The following EPC2 variants were observed in gnomAD, a reference collection of about 807,000 sequenced individuals.
EPC2 encodes the protein enhancer of polycomb homolog 2.
In EPC2, 14 loss-of-function variants were observed where a neutral mutation model predicts 92.1. The ratio of observed to expected loss-of-function variants is 0.15; its 90% CI spans 0.10 to 0.24. EPC2 has a LOEUF of 0.24. Among genes scored for constraint, EPC2 ranks in the 10% least tolerant of loss-of-function variants. EPC2 has a pLI of 1.00. For synonymous variants in EPC2, 340 were observed against 334.7 expected (o/e 1.02, Z -0.17); for missense variants, 755 against 971.5 (o/e 0.78, Z 2.96).
intron 1 of EPC2, among the ~76,000 whole-genome samples, chr2:148,683,792 G>A (rs1482255232): frequency 2.0e-5 from 3 of 152,156 alleles, no homozygotes; most frequent in Non-Finnish European, 4.4e-5. Context: ...ATTTAGGCTG[G>A]TTTCATATTT....
At chr2:148,754,241 T>A in intron 4 of EPC2, 108 bp downstream of exon 4, 1 of 874,528 alleles carries the variant, frequency 1.1e-6, no homozygotes. Flanking sequence ...CTAATGGCAT[T>A]GATGACTTTC....
intron 7 of EPC2, among the ~76,000 whole-genome samples, chr2:148,767,197 C>T (rs1484427692): frequency 1.6e-5 from 2 of 124,316 alleles, no homozygotes; most frequent in Non-Finnish European, 1.7e-5. Context: ...GACCCTGTTT[C>T]AAAAAAAAAA....
In EPC2 at chr2:148,663,194, G is replaced by GTATTATTATTATTAT. The variant is rs56337513; in HGVS notation, c.153+18056_153+18070dup. Among the ~76,000 whole-genome samples the GTATTATTATTATTAT allele has an allele frequency of 1.5e-3, 205 of 136,342 alleles. 1 individual carries two copies. Among genetic ancestry groups the GTATTATTATTATTAT allele is most frequent in the Middle Eastern group, 3.7e-3 (1 of 272 alleles). The allele number at this position is 136,342 out of a possible 152,430, so 89.4% of individuals were successfully genotyped here. ...CTCAAAAGGTATCTACTGTGTTTTT[G>GTATTATTATTATTAT]TATTATTATTATTATTATTATTATT... is the stretch of plus-strand genomic sequence containing the variant. On this transcript the variant is annotated intron_variant, in intron 1 of 13. Coordinates refer to ENST00000258484, the MANE Select transcript of EPC2 (RefSeq NM_015630.4).
At chr2:148,658,607 G>A (rs200459050) in intron 1 of EPC2, among the ~76,000 whole-genome samples, 1,880 of 141,216 alleles carry the variant, frequency 0.013, 19 homozygotes, top group East Asian at 0.026. Context: ...GTGTGTGTGT[G>A]TATATATATA....
At chr2:148,690,103 A>T in intron 1 of EPC2, 111 bp from the exon 2 acceptor site, 1 of 1,054,206 alleles carries the variant, frequency 9.5e-7, no homozygotes, top group Non-Finnish European at 1.3e-6. Flanking sequence ...AACTATTTAT[A>T]ATTGATTCTT....
Position 148,664,958 on chromosome 2 carries a change from C to T in EPC2, c.153+19788C>T, listed in dbSNP as rs566418807. Among the ~76,000 whole-genome samples the T allele has an allele frequency of 3.3e-5, 5 of 152,290 alleles. No individual in the cohort carries two copies. The South Asian group carries it at 1.0e-3, about 32-fold the overall frequency. Reference sequence around the variant, plus strand: ...ATACCTGAAGGTGAAATGCCTTCATCATATAGTAGTTACATTTAAAAGGTT... The same window carrying T: ...ATACCTGAAGGTGAAATGCCTTCATTATATAGTAGTTACATTTAAAAGGTT... On this transcript the variant is annotated intron_variant, in intron 1 of 13. Coordinates refer to ENST00000258484, the MANE Select transcript of EPC2 (RefSeq NM_015630.4).
At chr2:148,683,311 A>T (rs563475575) in intron 1 of EPC2, among the ~76,000 whole-genome samples, 45 of 150,878 alleles carry the variant, frequency 3.0e-4, no homozygotes, top group Non-Finnish European at 5.5e-4. Flanking sequence ...TGTGTTGCCC[A>T]GGCTGGAGTG....
chr2:148,783,102 A>T (rs1683787293), intron 11 of EPC2, among the ~76,000 whole-genome samples: 1 of 152,218 alleles, frequency 6.6e-6, no homozygotes, highest in Non-Finnish European at 1.5e-5. Context: ...GGACTTAGTA[A>T]CTAGGACTTA....
chr2:148,698,411 G>A (rs1681796641), intron 2 of EPC2, among the ~76,000 whole-genome samples: 2 of 152,000 alleles, frequency 1.3e-5, no homozygotes, highest in Admixed American at 1.3e-4. Context: ...GCTGAGGCGG[G>A]TGGATCACGA....
At chr2:148,780,662 G>A (rs1387646560) in intron 10 of EPC2, among the ~76,000 whole-genome samples, 1 of 152,070 alleles carries the variant, frequency 6.6e-6, no homozygotes, top group Non-Finnish European at 1.5e-5. Flanking sequence ...GACTCTTAGT[G>A]CAGCATTCTG....
At chr2:148,656,878 C>A (rs1295169535) in intron 1 of EPC2, among the ~76,000 whole-genome samples, 1 of 152,168 alleles carries the variant, frequency 6.6e-6, no homozygotes, top group Non-Finnish European at 1.5e-5. Flanking sequence ...TCATGAAGGA[C>A]ATGATTTGAA....
chr2:148,739,688 G>A (rs1682836576), intron 2 of EPC2, among the ~76,000 whole-genome samples: 1 of 152,044 alleles, frequency 6.6e-6, no homozygotes, highest in South Asian at 2.1e-4. Context: ...AAATTTTCCT[G>A]AGCAGTGGTA....
chr2:148,780,738 G>A (rs961709568), intron 10 of EPC2, among the ~76,000 whole-genome samples: 1 of 152,116 alleles, frequency 6.6e-6, no homozygotes, highest in Non-Finnish European at 1.5e-5. Context: ...AAGCAATAAA[G>A]AAAACAGAGC....
intron 2 of EPC2, among the ~76,000 whole-genome samples, chr2:148,732,349 A>T (rs1385642308): frequency 6.7e-6 from 1 of 150,372 alleles, no homozygotes; most frequent in African/African-American, 2.4e-5. Context: ...CTCAGCACCC[A>T]CAAGTCAGTG....
chr2:148,780,406 A>G (rs1403812334), intron 10 of EPC2, among the ~76,000 whole-genome samples: 2 of 152,172 alleles, frequency 1.3e-5, no homozygotes, highest in Admixed American at 6.5e-5. Flanking sequence ...CTAATTTACC[A>G]TAAAAAAATT....
chr2:148,677,646 C>T (rs1170516955), intron 1 of EPC2, among the ~76,000 whole-genome samples: 5 of 152,144 alleles, frequency 3.3e-5, no homozygotes, highest in African/African-American at 7.2e-5. Flanking sequence ...TGGACCCTCG[C>T]GGTGAGTGTT....
At chr2:148,647,619 CTTTTTTTTTTTT>C (rs55731814) in intron 1 of EPC2, among the ~76,000 whole-genome samples, 7 of 63,744 alleles carry the variant, frequency 1.1e-4, no homozygotes, top group African/African-American at 4.5e-4. Context: ...GCCTTGCAGA[CTTTTTTTTTTTT>C]TTTTTTTTTT....
At chr2:148,693,660 T>C (rs1420382770) in intron 2 of EPC2, among the ~76,000 whole-genome samples, 1 of 152,142 alleles carries the variant, frequency 6.6e-6, no homozygotes, top group East Asian at 1.9e-4. Flanking sequence ...AGTCCCAGAG[T>C]GTAGTCTCAG....
At chr2:148,652,994 G>C (rs898630570) in intron 1 of EPC2, among the ~76,000 whole-genome samples, 1 of 152,102 alleles carries the variant, frequency 6.6e-6, no homozygotes, top group African/African-American at 2.4e-5. Context: ...TTTCTCACTT[G>C]AGTGTGTGTG....
Sources: allele counts gnomAD v4.1 joint callset (sites outside exome capture counted in the v4.1 genomes callset), GRCh38; gene constraint gnomAD v4.1.1; transcripts MANE v1.5; gene names NCBI Gene and HGNC (gene_info 2026-07-23, HGNC 2026-07-21).